Variants in RBL2 observed in about 807,000 individuals in gnomAD.
The protein encoded by RBL2 is retinoblastoma-like protein 2.
A neutral mutation model predicts 126.0 loss-of-function variants in RBL2; 56 were observed. The observed-to-expected ratio is 0.44, with a 90% confidence interval of 0.36 to 0.56. The LOEUF is 0.56. RBL2 is among the 20% of genes least tolerant of loss of function. RBL2 has a pLI of 0.00. For synonymous variants in RBL2, 454 were observed against 478.5 expected, an observed-to-expected ratio of 0.95 and a Z score of 0.67; for missense variants, 1,229 against 1,398.2, an observed-to-expected ratio of 0.88 and a Z score of 1.93.
chr16:53,440,824 C>G (rs982162160), intron 2 of RBL2, among the ~76,000 whole-genome samples: 2 of 151,742 alleles, frequency 1.3e-5, no homozygotes, highest in African/African-American at 4.8e-5. Context: ...AAAGTGCTGG[C>G]ATTACAGGTG....
rs2058251009 is a variant in RBL2, at chr16:53,464,296, A to T, written c.1631A>T (p.Tyr544Phe). The change falls in exon 12 of 22, where the codon TAT becomes TTT. Residue 544 changes from tyrosine (Y) to phenylalanine (F), a missense_variant. Tyr to Phe is a conservative substitution (Grantham distance 22). Transcript: ENST00000262133. ...ACCLEVVTFS[Y>F]KPPGNFPFIT... The stretch of plus-strand genomic sequence containing the variant: ...TGCCTTGAGGTCGTCACTTTTTCTT[A>T]TAAGCCTCCTGGGAATTTTCCATTT... 1.3e-6 allele frequency: 2 copies of T among 1,598,436 alleles called. No individual in the cohort carries two copies. Among genetic ancestry groups the T allele is most frequent in the South Asian group, 2.2e-5 (2 of 90,578 alleles).
intron 4 of RBL2, among the ~76,000 whole-genome samples, chr16:53,447,878 C>G (rs1381488360): frequency 6.6e-6 from 1 of 152,154 alleles, no homozygotes; most frequent in Non-Finnish European, 1.5e-5. Flanking sequence ...CTCCTGACCT[C>G]AGGTGATCTG....
intron 21 of RBL2, among the ~76,000 whole-genome samples, chr16:53,485,102 AT>A (rs1961113144): frequency 6.6e-6 from 1 of 152,206 alleles, no homozygotes; most frequent in Non-Finnish European, 1.5e-5. Context: ...TTATCAACTG[AT>A]TGACATTTAT....
chr16:53,481,389 C>T, intron 20 of RBL2: 1 of 294,898 alleles, frequency 3.4e-6, no homozygotes, highest in Non-Finnish European at 6.3e-6. Context: ...ACCTCATTTC[C>T]TCATATATAA....
At chr16:53,441,503 C>A (rs1598087638) in intron 2 of RBL2, among the ~76,000 whole-genome samples, 1 of 152,086 alleles carries the variant, frequency 6.6e-6, no homozygotes, top group East Asian at 1.9e-4. Context: ...TGCAAAAAGT[C>A]ATTGTATGTT....
At chr16:53,434,998 C>T (rs1257407143) in intron 1 of RBL2, among the ~76,000 whole-genome samples, 2 of 152,172 alleles carry the variant, frequency 1.3e-5, no homozygotes, top group Non-Finnish European at 2.9e-5. Flanking sequence ...CTGCGGCTTC[C>T]GAATGGGGAA....
At position 53,464,224 on chromosome 16, in the gene RBL2, A is replaced by C. The variant is rs762145795; in HGVS notation, c.1561-2A>C. 1 of 1,551,808 alleles carries C rather than the reference A, an allele frequency of 6.4e-7. No individual in the cohort carries two copies. The highest frequency in any genetic ancestry group is 1.2e-5 in the South Asian group (1 of 81,478). The stretch of plus-strand genomic sequence containing the variant: ...TCTAATGCTAATAACTTTATTTTAT[A>C]GGGTATTCTGGAACAAGATGCGTTC... On this transcript the variant is annotated splice_acceptor_variant, in intron 11 of 21. Transcript: ENST00000262133. LOFTEE classifies it high-confidence loss of function.
intron 1 of RBL2, chr16:53,435,789 G>T: frequency 5.7e-6 from 7 of 1,231,690 alleles, no homozygotes; most frequent in Non-Finnish European, 7.4e-6. Context: ...ACTGATGAGT[G>T]AGGTTATTTT....
rs1197655373 is a variant in RBL2 at position 53,442,646 on chromosome 16, C to T, written c.372-12C>T. The T allele has an allele frequency of 1.3e-6, 2 of 1,593,588 alleles. No individual in the cohort carries two copies. Among genetic ancestry groups the T allele is most frequent in the East Asian group, 2.2e-5 (1 of 44,732 alleles). On this transcript the variant is annotated splice_polypyrimidine_tract_variant and intron_variant, in intron 2 of 21. Transcript: ENST00000262133. ...GTTAATTATGAAATATCTTGTTTGT[C>T]TTTAATACCAGCTTAATCGAATTTT...
At chr16:53,482,850 T>C (rs1372128807) in intron 21 of RBL2, among the ~76,000 whole-genome samples, 2 of 147,256 alleles carry the variant, frequency 1.4e-5, no homozygotes, top group Non-Finnish European at 3.0e-5. Context: ...GAAATACACA[T>C]ATATATATGG....
intron 2 of RBL2, among the ~76,000 whole-genome samples, chr16:53,439,700 G>A: frequency 6.6e-6 from 1 of 152,026 alleles, no homozygotes; most frequent in East Asian, 1.9e-4. Flanking sequence ...TGCCTTTTAG[G>A]TGAATTTTCT....
chr16:53,473,668 A>G (rs1960607080), intron 17 of RBL2, among the ~76,000 whole-genome samples: 1 of 151,818 alleles, frequency 6.6e-6, no homozygotes, highest in South Asian at 2.1e-4. Flanking sequence ...TCTTGCTAGA[A>G]CTTCCAGTAT....
chr16:53,460,769 T>C (rs1301850447), intron 9 of RBL2, among the ~76,000 whole-genome samples: 1 of 152,166 alleles, frequency 6.6e-6, no homozygotes, highest in Non-Finnish European at 1.5e-5. Context: ...AGGACTGTAA[T>C]TGATTTTTAT....
intron 21 of RBL2, among the ~76,000 whole-genome samples, chr16:53,487,222 C>G (rs944087546): frequency 6.6e-6 from 1 of 152,068 alleles, no homozygotes; most frequent in Non-Finnish European, 1.5e-5. Context: ...ATTTACAAGG[C>G]AAAGAACTCG....
chr16:53,466,354 T>C (rs1337103071), intron 13 of RBL2, among the ~76,000 whole-genome samples: 1 of 151,626 alleles, frequency 6.6e-6, no homozygotes, highest in Non-Finnish European at 1.5e-5. Flanking sequence ...GGGTTGGGGG[T>C]TGGAGAGATT....
At chr16:53,470,229 T>C (rs1167333899) in intron 15 of RBL2, 44 bp downstream of exon 15, 10 of 1,572,364 alleles carry the variant, frequency 6.4e-6, no homozygotes, top group African/African-American at 2.7e-5. Flanking sequence ...CTCTGTGGCA[T>C]GTATTGAAAA....
chr16:53,436,677 A>C (rs1340428407), intron 1 of RBL2, among the ~76,000 whole-genome samples: 1 of 152,110 alleles, frequency 6.6e-6, no homozygotes. Context: ...GATTTCTTGT[A>C]TTTTCTGTGC....
At chr16:53,477,829 TAAGA>T (rs746733899) in intron 17 of RBL2, among the ~76,000 whole-genome samples, 32 of 152,120 alleles carry the variant, frequency 2.1e-4, no homozygotes, top group Admixed American at 6.5e-4. Context: ...TTTAATCAGT[TAAGA>T]AAGGAGAAGA....
rs530839850 is a variant in RBL2, at chr16:53,473,062, G to C, written c.2703+2140G>C. On this transcript the variant is annotated intron_variant, in intron 17 of 21. Transcript: ENST00000262133. ...TAAATTCTATTCCACTGGACTATAT[G>C]CCTATCCTTATGCAATACCATATTC... 3.9e-5 allele frequency among the ~76,000 whole-genome samples: 6 copies of C among 152,232 alleles called. No homozygotes were observed. The East Asian group carries it at 1.2e-3, about 29-fold the overall frequency.
Sources: gnomAD v4.1 joint callset for allele counts (sites outside exome capture counted in the v4.1 genomes callset) on GRCh38, gnomAD v4.1.1 for gene constraint, MANE v1.5 for transcripts, NCBI Gene and HGNC (gene_info 2026-07-23, HGNC 2026-07-21) for gene names.